The following MYH14 variants were observed in gnomAD, a reference collection of about 807,000 sequenced individuals.
MYH14 encodes the protein myosin heavy chain 14, also known as myosin-14.
In MYH14, 123 loss-of-function variants were observed where a neutral mutation model predicts 255.5. That is an observed-to-expected ratio of 0.48 (90% CI 0.42 to 0.56). The LOEUF (loss-of-function observed/expected upper bound fraction) is 0.56, where lower values mean the gene tolerates loss of function less well. Ranked by LOEUF, MYH14 falls within the 20% of genes least tolerant of loss-of-function variation. MYH14 has a pLI of 0.00. For synonymous variants in MYH14, 1,095 were observed against 1,161.2 expected (o/e 0.94, Z 1.16); for missense variants, 2,423 against 2,802.3 (o/e 0.86, Z 3.06).
intron 39 of MYH14, among the ~76,000 whole-genome samples, chr19:50,294,048 G>A (rs1407991271): frequency 1.3e-5 from 2 of 152,136 alleles, no homozygotes; most frequent in Non-Finnish European, 2.9e-5. Flanking sequence ...TTCAGCAGAG[G>A]GAGAAAAGCA....
At chr19:50,264,662 G>A (rs1345030370) in intron 22 of MYH14, among the ~76,000 whole-genome samples, 1 of 152,156 alleles carries the variant, frequency 6.6e-6, no homozygotes, top group Non-Finnish European at 1.5e-5. Flanking sequence ...CCACACAGGG[G>A]CCACCAGCAG....
intron 39 of MYH14, among the ~76,000 whole-genome samples, chr19:50,297,193 C>T (rs2036298393): frequency 6.6e-6 from 1 of 152,062 alleles, no homozygotes; most frequent in African/African-American, 2.4e-5. Flanking sequence ...ACCATGTTGG[C>T]CAGGCTGCTC....
Position 50,281,599 on chromosome 19 carries a change from C to T in MYH14, c.4296C>T (p.Ser1432=), listed in dbSNP as rs370811348. 4.7e-5 allele frequency: 74 copies of T among 1,585,444 alleles called. No homozygotes were observed. Among genetic ancestry groups the T allele is most frequent in the Admixed American group, 3.5e-5 (2 of 57,066 alleles). The change falls in exon 33 of 43, where the codon TCC becomes TCT. Residue 1432 remains serine (S), a synonymous_variant. Coordinates refer to ENST00000642316, the MANE Select transcript of MYH14 (RefSeq NM_001145809.2). The part of the protein sequence containing the change: ...RELQTAQAQL[S]EWRRRQEEEA... ...CCTCTCTCTCCTCCCCTCAGCTTTC[C>T]GAGTGGCGGCGGCGCCAGGAGGAGG...
chr19:50,226,450 G>T (rs1474871576), intron 7 of MYH14, among the ~76,000 whole-genome samples: 3 of 145,292 alleles, frequency 2.1e-5, no homozygotes, highest in Non-Finnish European at 3.1e-5. Context: ...TGAGGGAGGA[G>T]GGGCTGGGGG....
At chr19:50,243,461 T>C (rs1169369569) in intron 10 of MYH14, among the ~76,000 whole-genome samples, 1 of 151,882 alleles carries the variant, frequency 6.6e-6, no homozygotes, top group Non-Finnish European at 1.5e-5. Flanking sequence ...GGTGACTTAT[T>C]GATCGGTTGG....
At chr19:50,247,734 C>T (rs2034187210) in intron 12 of MYH14, among the ~76,000 whole-genome samples, 1 of 151,772 alleles carries the variant, frequency 6.6e-6, no homozygotes, top group Non-Finnish European at 1.5e-5. Flanking sequence ...TGTAAAGGCC[C>T]TGGGGGTGGA....
chr19:50,259,571 T>G (rs2034744564), intron 19 of MYH14, among the ~76,000 whole-genome samples: 1 of 152,194 alleles, frequency 6.6e-6, no homozygotes, highest in South Asian at 2.1e-4. Context: ...GTTACAAATC[T>G]GCATGTCTTT....
chr19:50,294,902 G>A (rs1390807254), intron 39 of MYH14, among the ~76,000 whole-genome samples: 1 of 151,050 alleles, frequency 6.6e-6, no homozygotes, highest in Non-Finnish European at 1.5e-5. Context: ...GTGGGATAAA[G>A]TAAATGATCA....
chr19:50,238,265 C>T (rs1043686291), intron 10 of MYH14, among the ~76,000 whole-genome samples: 8 of 152,100 alleles, frequency 5.3e-5, no homozygotes, highest in African/African-American at 1.7e-4. Flanking sequence ...GCATCAGATG[C>T]GCCCTGGGGC....
chr19:50,240,265 C>G (rs1013543499), intron 10 of MYH14, among the ~76,000 whole-genome samples: 1 of 152,140 alleles, frequency 6.6e-6, no homozygotes, highest in Non-Finnish European at 1.5e-5. Flanking sequence ...ATGTGTGCTG[C>G]GCATATGTAT....
chr19:50,260,605 G>A (rs1185544879), intron 19 of MYH14, 41 bp from the exon 20 acceptor site: 2 of 1,480,102 alleles, frequency 1.4e-6, no homozygotes, highest in African/African-American at 2.8e-5. Context: ...GTGAGCGTTT[G>A]CTGTAACTCT....
In MYH14 at chr19:50,280,093, T is replaced by A. The variant is rs1336013532; in HGVS notation, c.4089T>A (p.Arg1363=). 1 of 1,610,732 alleles carries A rather than the reference T, an allele frequency of 6.2e-7. No homozygotes were observed. The highest frequency in any genetic ancestry group is 1.7e-5 in the Admixed American group (1 of 59,528). The part of the protein sequence containing the change: ...ALNEAESKTI[R]LSKELSSTEA... ...ACGAGGCTGAGTCCAAAACCATCCG[T>A]CTTAGCAAGGAGCTGAGCAGCACAG... The change falls in exon 31 of 43, where the codon CGT becomes CGA. Residue 1363 remains arginine, a synonymous_variant. Transcript: ENST00000642316. This position sits in a 1 kb window ranked among gnomAD's most constrained non-coding sequence, Gnocchi z 4.8.
At chr19:50,302,103 A>G (rs2036503091) in intron 40 of MYH14, among the ~76,000 whole-genome samples, 1 of 125,906 alleles carries the variant, frequency 7.9e-6, no homozygotes, top group Non-Finnish European at 1.6e-5. Flanking sequence ...ACATAGCAAG[A>G]CCTCATCTCT....
chr19:50,289,745 C>G (rs1417350641), intron 35 of MYH14, 97 bp downstream of exon 35: 2 of 1,110,174 alleles, frequency 1.8e-6, no homozygotes, highest in Non-Finnish European at 2.6e-6. Context: ...CTCCCCGACC[C>G]ACCCACCACT....
intron 39 of MYH14, among the ~76,000 whole-genome samples, chr19:50,294,037 G>A (rs1366144505): frequency 6.6e-6 from 1 of 152,168 alleles, no homozygotes; most frequent in Non-Finnish European, 1.5e-5. Flanking sequence ...ATAAGTTGGA[G>A]TTCAGCAGAG....
rs1220641475 is a variant in MYH14 at position 50,244,244 on chromosome 19, A to C, written c.1117A>C (p.Met373Leu). The change falls in exon 11 of 43, where the codon ATG becomes CTG. Residue 373 changes from methionine to leucine, a missense_variant and splice_region_variant. Physicochemically the swap from Met to Leu is conservative, Grantham distance 15 (BLOSUM62 2). This residue lies in a region of MYH14 where 672 missense variants were observed against 881.8 expected (regional missense o/e 0.76). Transcript: ENST00000642316. ...GACCTCTGTCCTTGCGTCCCCAGCC[A>C]TGCTGCGGATGGTCTCAGCAGTTCT... ...LGFSHEEIIS[M>L]LRMVSAVLQF... 6.2e-7 allele frequency: 1 copy of C among 1,613,360 alleles called. No individual in the cohort carries two copies. The highest frequency in any genetic ancestry group is 1.3e-5 in the African/African-American group (1 of 74,916).
chr19:50,229,949 C>G (rs2033292428), intron 8 of MYH14, among the ~76,000 whole-genome samples: 2 of 152,180 alleles, frequency 1.3e-5, no homozygotes, highest in African/African-American at 4.8e-5. Flanking sequence ...GAGTCTCACT[C>G]TGTCGCCCAG....
intron 39 of MYH14, among the ~76,000 whole-genome samples, chr19:50,296,003 G>A (rs1227556266): frequency 2.0e-5 from 3 of 151,756 alleles, no homozygotes; most frequent in Admixed American, 1.3e-4. Context: ...CCAGCTACTC[G>A]GGAGGCTGGG....
chr19:50,239,495 C>T (rs572911362), intron 10 of MYH14, among the ~76,000 whole-genome samples: 81 of 152,264 alleles, frequency 5.3e-4, no homozygotes, highest in Non-Finnish European at 6.2e-4. Context: ...ACGTTTTTGG[C>T]GGGAGTATTC....
Sources: allele counts gnomAD v4.1 joint callset (sites outside exome capture counted in the v4.1 genomes callset), GRCh38; gene constraint gnomAD v4.1.1; regional missense constraint gnomAD v4.1.1; non-coding constraint Gnocchi (gnomAD v3.1); transcripts MANE v1.5; gene names NCBI Gene and HGNC (gene_info 2026-07-23, HGNC 2026-07-21).